Variants in ELOVL2 observed in about 807,000 individuals in gnomAD.
The protein encoded by ELOVL2 is very long chain fatty acid elongase 2.
Under a neutral mutation model 37.7 loss-of-function variants are expected in ELOVL2, and 38 were observed. The observed-to-expected ratio is 1.01, with a 90% confidence interval of 0.78 to 1.32. The LOEUF (loss-of-function observed/expected upper bound fraction) is 1.32, where lower values mean the gene tolerates loss of function less well. Ranked by LOEUF, ELOVL2 falls within the 40% of genes most tolerant of loss-of-function variation. The pLI is 0.00. For synonymous variants in ELOVL2, 115 were observed against 122.3 expected, an observed-to-expected ratio of 0.94 and a Z score of 0.40; for missense variants, 352 against 363.6, an observed-to-expected ratio of 0.97 and a Z score of 0.26.
At chr6:11,034,882 A>G (rs545617187) in intron 1 of ELOVL2, among the ~76,000 whole-genome samples, 4 of 151,920 alleles carry the variant, frequency 2.6e-5, no homozygotes, top group African/African-American at 9.7e-5. Flanking sequence ...ATGCGCCTGT[A>G]ATCCCAGCTA....
intron 2 of ELOVL2, among the ~76,000 whole-genome samples, chr6:11,008,774 A>C (rs1321331844): frequency 6.6e-6 from 1 of 152,264 alleles, no homozygotes; most frequent in African/African-American, 2.4e-5. Flanking sequence ...AACCTATGTG[A>C]AAGGATTTTT....
intron 1 of ELOVL2, among the ~76,000 whole-genome samples, chr6:11,032,340 T>G (rs1194751225): frequency 4.5e-5 from 1 of 22,220 alleles, no homozygotes; most frequent in Admixed American, 4.7e-4. Flanking sequence ...ATGTTTCCTA[T>G]ACAAAAAAAA....
At chr6:11,011,460 T>C (rs1363146578) in intron 1 of ELOVL2, among the ~76,000 whole-genome samples, 1 of 152,196 alleles carries the variant, frequency 6.6e-6, no homozygotes, top group Non-Finnish European at 1.5e-5. Context: ...CATAAGCAAC[T>C]TCCCTTGTTA....
intron 2 of ELOVL2, among the ~76,000 whole-genome samples, chr6:11,008,096 A>G (rs1195737909): frequency 6.6e-6 from 1 of 152,100 alleles, no homozygotes; most frequent in Non-Finnish European, 1.5e-5. Flanking sequence ...AGAAGAGGCT[A>G]GGAGACACCG....
In ELOVL2 at chr6:10,981,780, A is replaced by C. The variant is rs1470253502; in HGVS notation, c.*2001T>G. 6.6e-6 allele frequency: 1 copy of C among 152,198 alleles called. No homozygotes were observed. The highest frequency in any genetic ancestry group is 2.4e-5 in the African/African-American group (1 of 41,466). 9.4% of individuals were successfully genotyped at this position (152,198 alleles called of 1,614,324 possible). On this transcript the variant is annotated 3_prime_UTR_variant, in exon 8 of 8. Transcript: ENST00000354666. ...TGATGACCAGTGAGCATATTAGACC[A>C]GTCTGTCTTCTAAGTCTCATTTTTA...
intron 5 of ELOVL2, among the ~76,000 whole-genome samples, chr6:10,993,923 T>C (rs1345111917): frequency 7.3e-6 from 1 of 136,788 alleles, no homozygotes; most frequent in Admixed American, 7.7e-5. Context: ...CCCAGGCTGG[T>C]CTTTAACTCC....
intron 1 of ELOVL2, among the ~76,000 whole-genome samples, chr6:11,014,173 A>G (rs368389697): frequency 3.9e-5 from 6 of 152,348 alleles, no homozygotes; most frequent in African/African-American, 1.2e-4. Context: ...TGGTACAACC[A>G]CTTTGCAAAA....
chr6:11,011,036 G>C (rs1782565971), intron 1 of ELOVL2, among the ~76,000 whole-genome samples: 1 of 152,128 alleles, frequency 6.6e-6, no homozygotes. Flanking sequence ...CCTTAGGCAA[G>C]AGGAGTCCTA....
intron 5 of ELOVL2, among the ~76,000 whole-genome samples, chr6:10,994,483 A>AAGAAAAC (rs1554111121): frequency 2.7e-5 from 4 of 146,026 alleles, no homozygotes; most frequent in Non-Finnish European, 4.5e-5. Flanking sequence ...AAAAAAAAAA[A>AAGAAAAC]GAACAAATAT....
intron 5 of ELOVL2, among the ~76,000 whole-genome samples, chr6:10,993,520 C>A (rs926466043): frequency 1.3e-5 from 2 of 152,116 alleles, no homozygotes; most frequent in South Asian, 4.1e-4. Flanking sequence ...GTAATTTTAC[C>A]CATGTATATA....
chr6:11,040,962 A>C (rs1783090642), intron 1 of ELOVL2, among the ~76,000 whole-genome samples: 1 of 152,212 alleles, frequency 6.6e-6, no homozygotes, highest in African/African-American at 2.4e-5. Flanking sequence ...CAATTATTAA[A>C]TGGTTAGATT....
At chr6:11,020,569 C>T (rs1005085963) in intron 1 of ELOVL2, among the ~76,000 whole-genome samples, 1 of 152,126 alleles carries the variant, frequency 6.6e-6, no homozygotes, top group African/African-American at 2.4e-5. Context: ...GGTCCTTTAG[C>T]TCTTTAGTTA....
intron 5 of ELOVL2, among the ~76,000 whole-genome samples, chr6:10,990,751 A>T (rs1782145859): frequency 6.6e-6 from 1 of 151,326 alleles, no homozygotes; most frequent in South Asian, 2.1e-4. Context: ...CTACTGAGGG[A>T]GGAAAAGAAA....
chr6:10,986,596 A>G (rs896542871), intron 7 of ELOVL2, among the ~76,000 whole-genome samples: 3 of 152,034 alleles, frequency 2.0e-5, no homozygotes, highest in Admixed American at 6.6e-5. Context: ...TTCTGCATCT[A>G]TTGAGATAAT....
intron 4 of ELOVL2, among the ~76,000 whole-genome samples, chr6:10,998,744 A>G (rs1782318847): frequency 6.6e-6 from 1 of 152,202 alleles, no homozygotes; most frequent in Admixed American, 6.5e-5. Context: ...CCCATTATCT[A>G]AGAAACCTAA....
intron 7 of ELOVL2, among the ~76,000 whole-genome samples, chr6:10,988,730 T>A (rs1431811826): frequency 2.0e-5 from 3 of 152,196 alleles, no homozygotes; most frequent in Non-Finnish European, 4.4e-5. Flanking sequence ...GCTTTCCATT[T>A]CCCCAGCCTA....
At chr6:11,020,673 C>T (rs575010040) in intron 1 of ELOVL2, among the ~76,000 whole-genome samples, 1 of 152,310 alleles carries the variant, frequency 6.6e-6, no homozygotes, top group African/African-American at 2.4e-5. Context: ...CAAACAAAAC[C>T]ATGAGGGGCT....
At chr6:11,010,639 GTACCT>G (rs1782557770) in intron 2 of ELOVL2, 102 bp downstream of exon 2, 2 of 895,020 alleles carry the variant, frequency 2.2e-6, no homozygotes, top group Admixed American at 4.3e-5. Context: ...TAAATATTAA[GTACCT>G]TACTATTTCC....
chr6:11,023,155 C>G (rs1376974343), intron 1 of ELOVL2, among the ~76,000 whole-genome samples: 1 of 152,202 alleles, frequency 6.6e-6, no homozygotes, highest in Non-Finnish European at 1.5e-5. Context: ...ATATAAAACT[C>G]CTTGGAGATT....
Sources: gnomAD v4.1 joint callset for allele counts (sites outside exome capture counted in the v4.1 genomes callset) on GRCh38, gnomAD v4.1.1 for gene constraint, MANE v1.5 for transcripts, NCBI Gene and HGNC (gene_info 2026-07-23, HGNC 2026-07-21) for gene names.